TMC7: variants seen among roughly 807,000 people sequenced by gnomAD.
TMC7 encodes transmembrane channel like 7.
Under a neutral mutation model 82.9 loss-of-function variants are expected in TMC7, and 54 were observed. The ratio of observed to expected loss-of-function variants is 0.65; its 90% CI spans 0.52 to 0.82. TMC7 has a LOEUF of 0.82. TMC7 is among the 40% of genes least tolerant of loss of function. TMC7 has a pLI of 0.00. For synonymous variants in TMC7, 350 were observed against 337.9 expected (o/e 1.04, Z -0.39); for missense variants, 820 against 901.2 (o/e 0.91, Z 1.15).
chr16:19,039,610 G>A (rs545254035), intron 8 of TMC7, among the ~76,000 whole-genome samples: 1 of 152,168 alleles, frequency 6.6e-6, no homozygotes, highest in Non-Finnish European at 1.5e-5. Context: ...TTTTATTGCG[G>A]ATGGCTATAT....
chr16:19,035,885 C>CT (rs1323007991), intron 7 of TMC7, 62 bp downstream of exon 7: 10 of 1,512,190 alleles, frequency 6.6e-6, no homozygotes, highest in Admixed American at 2.3e-5. Flanking sequence ...CCTTTGGAGC[C>CT]TGAGTTTTCA....
chr16:19,019,703 G>A (rs1959871358), intron 3 of TMC7, among the ~76,000 whole-genome samples: 1 of 152,142 alleles, frequency 6.6e-6, no homozygotes, highest in Non-Finnish European at 1.5e-5. Context: ...CTCTTGTGAA[G>A]TGGTAGGCTT....
intron 2 of TMC7, chr16:19,012,175 C>A (rs1432819119): frequency 6.6e-6 from 1 of 150,944 alleles, no homozygotes; most frequent in Non-Finnish European, 1.5e-5. Flanking sequence ...TTTGGCAGCA[C>A]ATATACTAAA....
rs1961780193 is a variant in TMC7 at position 19,056,536 on chromosome 16, T to C, written c.1872-6T>C. 1.9e-6 allele frequency: 3 copies of C among 1,612,948 alleles called. No homozygotes were observed. Among genetic ancestry groups the C allele is most frequent in the South Asian group, 1.1e-5 (1 of 90,924 alleles). ...CTTCTGAGCCCGTTGGTCTGTGTCC[T>C]GGCAGCATCCCTTCCTCGAAAGCCT... On this transcript the variant is annotated splice_polypyrimidine_tract_variant and splice_region_variant and intron_variant, in intron 13 of 15. Transcript: ENST00000304381.
At chr16:18,989,250 A>T (rs377282284) in intron 1 of TMC7, among the ~76,000 whole-genome samples, 4 of 152,106 alleles carry the variant, frequency 2.6e-5, no homozygotes, top group Non-Finnish European at 4.4e-5. Flanking sequence ...AGGTCTGGAC[A>T]GAGCTGAAGA....
chr16:19,046,458 A>G (rs900958652), intron 11 of TMC7, among the ~76,000 whole-genome samples: 5 of 152,200 alleles, frequency 3.3e-5, no homozygotes, highest in African/African-American at 1.2e-4. Context: ...CATTTCTGTT[A>G]TCATTCTCTG....
chr16:19,031,658 G>A (rs1203993576), intron 6 of TMC7, among the ~76,000 whole-genome samples: 5 of 152,062 alleles, frequency 3.3e-5, no homozygotes, highest in South Asian at 2.1e-4. Context: ...GCGACAGAGC[G>A]AGACTCTGTC....
intron 1 of TMC7, among the ~76,000 whole-genome samples, chr16:19,006,780 T>C (rs1596733559): frequency 1.3e-5 from 2 of 152,322 alleles, no homozygotes; most frequent in South Asian, 2.1e-4. Flanking sequence ...ATCATGGCGA[T>C]GCCTGGTGAG....
intron 13 of TMC7, among the ~76,000 whole-genome samples, chr16:19,052,583 G>T (rs902078193): frequency 1.9e-4 from 29 of 152,284 alleles, no homozygotes; most frequent in South Asian, 1.0e-3. Context: ...AGGCCCAGGT[G>T]GGGGTACTGG....
chr16:19,057,077 T>C (rs1961811723), intron 14 of TMC7, among the ~76,000 whole-genome samples: 1 of 152,104 alleles, frequency 6.6e-6, no homozygotes, highest in South Asian at 2.1e-4. Context: ...AGGTTGAGGT[T>C]GCAGTGAGCC....
At position 19,020,101 on chromosome 16, in the gene TMC7, A is replaced by C. The variant is rs140142548; in HGVS notation, c.461-1528A>C. On this transcript the variant is annotated intron_variant, in intron 3 of 15. Coordinates refer to ENST00000304381, the MANE Select transcript of TMC7 (RefSeq NM_024847.4). ...CACAAAACAGAATAAAAGAAAAAAA[A>C]TATGATCATCCCAACAGATGCAGAA... Among the ~76,000 whole-genome samples, 46 of 152,334 alleles carry C rather than the reference A, an allele frequency of 3.0e-4. 1 individual carries two copies. The East Asian group carries it at 8.3e-3, about 27-fold the overall frequency.
At chr16:18,999,140 G>A (rs146675681) in intron 1 of TMC7, among the ~76,000 whole-genome samples, 2 of 152,250 alleles carry the variant, frequency 1.3e-5, no homozygotes, top group East Asian at 1.9e-4. Flanking sequence ...CCAGGCTCGA[G>A]CGATCCTCCC....
chr16:18,994,698 A>G (rs1567499378), intron 1 of TMC7, among the ~76,000 whole-genome samples: 1 of 152,200 alleles, frequency 6.6e-6, no homozygotes, highest in East Asian at 1.9e-4. Context: ...CACGGGGTGG[A>G]TAGGGAAGAT....
intron 5 of TMC7, among the ~76,000 whole-genome samples, chr16:19,025,076 A>G (rs1382454315): frequency 6.6e-6 from 1 of 151,718 alleles, no homozygotes; most frequent in East Asian, 1.9e-4. Flanking sequence ...GGATTAGATA[A>G]CTCTGTGTTG....
intron 15 of TMC7, chr16:19,059,990 A>C: frequency 3.3e-6 from 1 of 302,132 alleles, no homozygotes; most frequent in Middle Eastern, 1.2e-3. Flanking sequence ...AATAAAAATA[A>C]AAAAAGATGT....
Position 19,059,911 on chromosome 16 carries a change from A to C in TMC7, c.2106+417A>C, listed in dbSNP as rs911517854. 6 of 439,344 alleles carry C rather than the reference A, an allele frequency of 1.4e-5. No individual in the cohort carries two copies. In the Admixed American group the frequency reaches 2.1e-4, roughly 15 times the overall value. The allele number at this position is 439,344 out of a possible 1,614,324, so 27.2% of individuals were successfully genotyped here. ...AGAATCCCTTGAACTCAGGAGGTGG[A>C]GGTCGCAGTGAGCTGAGATTGCGCT... is the stretch of plus-strand genomic sequence containing the variant. On this transcript the variant is annotated intron_variant, in intron 15 of 15. Coordinates refer to ENST00000304381, the MANE Select transcript of TMC7 (RefSeq NM_024847.4).
intron 11 of TMC7, among the ~76,000 whole-genome samples, chr16:19,046,496 T>G (rs1006477793): frequency 6.6e-6 from 1 of 152,166 alleles, no homozygotes; most frequent in African/African-American, 2.4e-5. Flanking sequence ...TACCCACATA[T>G]GCAGATAATC....
At chr16:19,028,692 G>A (rs917679006) in intron 5 of TMC7, among the ~76,000 whole-genome samples, 2 of 151,894 alleles carry the variant, frequency 1.3e-5, no homozygotes, top group Non-Finnish European at 2.9e-5. Flanking sequence ...GTCTCGCTCT[G>A]TTGCCCAGGC....
chr16:19,047,133 G>C lies in TMC7; in HGVS notation c.1624G>C (p.Asp542His). ...CWGQQEFAIP[D>H]NVLGIVYGQT... ...GGGGCAGCAGGAGTTTGCCATTCCT[G>C]ATAACGTCCTGGGGATAGTTTACGG... Residue 542 changes from aspartate to histidine, a missense_variant, in exon 12 of 16, where the codon GAT becomes CAT. Physicochemically the swap from Asp to His is moderately conservative, Grantham distance 81. Around this residue, in one of 2 missense-constraint regions of TMC7, gnomAD observed 170 missense variants for 231.3 expected, o/e 0.74. Coordinates refer to ENST00000304381, the MANE Select transcript of TMC7 (RefSeq NM_024847.4). 1 of 1,614,084 alleles carries C rather than the reference G, an allele frequency of 6.2e-7. No individual in the cohort carries two copies. The highest frequency in any genetic ancestry group is 1.1e-5 in the South Asian group (1 of 91,072).
Sources: allele counts gnomAD v4.1 joint callset (sites outside exome capture counted in the v4.1 genomes callset), GRCh38; gene constraint gnomAD v4.1.1; regional missense constraint gnomAD v4.1.1; transcripts MANE v1.5; gene names NCBI Gene and HGNC (gene_info 2026-07-23, HGNC 2026-07-21).